Variants in MAP3K21 observed in about 807,000 individuals in gnomAD.
MAP3K21 encodes mitogen-activated protein kinase kinase kinase 21.
A neutral mutation model predicts 86.1 loss-of-function variants in MAP3K21; 63 were observed. The observed-to-expected ratio is 0.73, with a 90% CI of 0.60 to 0.90. The LOEUF (loss-of-function observed/expected upper bound fraction) is 0.90. Ranked by LOEUF, MAP3K21 falls within the 40% of genes least tolerant of loss-of-function variation. MAP3K21 has a pLI of 0.00. For synonymous variants in MAP3K21, 558 were observed against 564.8 expected (o/e 0.99, Z 0.17); for missense variants, 1,220 against 1,367.7 (o/e 0.89, Z 1.70).
chr1:233,381,424 C>G (rs1248258057), intron 9 of MAP3K21, among the ~76,000 whole-genome samples: 3 of 152,112 alleles, frequency 2.0e-5, no homozygotes, highest in Admixed American at 2.0e-4. Flanking sequence ...CCTTATATAC[C>G]TGTCATGAAT....
chr1:233,365,414 C>T (rs766458235), intron 5 of MAP3K21, among the ~76,000 whole-genome samples: 3 of 152,060 alleles, frequency 2.0e-5, no homozygotes, highest in Non-Finnish European at 4.4e-5. Context: ...ACACAGAACT[C>T]GAATAACTCA....
intron 1 of MAP3K21, among the ~76,000 whole-genome samples, chr1:233,332,556 G>A (rs1662828117): frequency 2.6e-5 from 4 of 152,152 alleles, no homozygotes; most frequent in Admixed American, 1.3e-4. Context: ...TGTGAAGAAC[G>A]GACTGCAGTG....
At chr1:233,330,372 T>C (rs914008186) in intron 1 of MAP3K21, among the ~76,000 whole-genome samples, 5 of 152,242 alleles carry the variant, frequency 3.3e-5, no homozygotes, top group African/African-American at 9.6e-5. Flanking sequence ...CATTGCTTGC[T>C]TTTGAACTGT....
At chr1:233,344,530 G>A (rs1346408357) in intron 1 of MAP3K21, among the ~76,000 whole-genome samples, 1 of 152,196 alleles carries the variant, frequency 6.6e-6, no homozygotes, top group Non-Finnish European at 1.5e-5. Context: ...CTAGCCATAT[G>A]TAGAAAGCTG....
At chr1:233,370,147 TG>T (rs1663656738) in intron 5 of MAP3K21, among the ~76,000 whole-genome samples, 1 of 152,176 alleles carries the variant, frequency 6.6e-6, no homozygotes, top group South Asian at 2.1e-4. Flanking sequence ...GCCGTGCAGA[TG>T]GAGAGAACAA....
In MAP3K21 at chr1:233,383,578, G is replaced by A. The variant is rs1197392511; in HGVS notation, c.*867G>A. 1 of 151,858 alleles carries A rather than the reference G, an allele frequency of 6.6e-6. No homozygotes were observed. Among genetic ancestry groups the A allele is most frequent in the African/African-American group, 2.4e-5 (1 of 41,386 alleles). 9.4% of individuals were successfully genotyped at this position (151,858 alleles called of 1,614,324 possible). ...TTTATTTGATATTCAGAAGTGGAAA[G>A]CTTTTTCATTCTCCAGTAGAACTTT... On this transcript the variant is annotated 3_prime_UTR_variant, in exon 10 of 10. Transcript: ENST00000366624.
intron 5 of MAP3K21, among the ~76,000 whole-genome samples, chr1:233,364,148 C>A (rs1663522215): frequency 6.6e-6 from 1 of 151,902 alleles, no homozygotes; most frequent in African/African-American, 2.4e-5. Flanking sequence ...TACCTTCAAC[C>A]TCTCTGGGGT....
At chr1:233,369,507 T>C (rs900190125) in intron 5 of MAP3K21, among the ~76,000 whole-genome samples, 15 of 152,290 alleles carry the variant, frequency 9.8e-5, no homozygotes, top group Middle Eastern at 3.4e-3. Context: ...CTTCCAGGAA[T>C]TGAAAAAAGT....
Position 233,376,506 on chromosome 1 carries a change from T to A in MAP3K21, c.1903T>A (p.Ser635Thr), listed in dbSNP as rs1663801100. 1.2e-6 allele frequency: 2 copies of A among 1,613,044 alleles called. No homozygotes were observed. The highest frequency in any genetic ancestry group is 1.1e-5 in the South Asian group (1 of 90,992). ...AAATCAGAAAACCATGCCCTTGGCT[T>A]CATTGTTTGTGGACCAGCCAGGTAA... ...IKNQKTMPLASLFVDQPGSCE... is the reference protein window; with the variant it reads ...IKNQKTMPLATLFVDQPGSCE... The change falls in exon 8 of 10, where the codon TCA becomes ACA. Residue 635 changes from serine to threonine, a missense_variant. Physicochemically the swap from Ser to Thr is moderately conservative, Grantham distance 58. This residue lies in a region of MAP3K21 where 632 missense variants were observed against 691.3 expected (regional missense o/e 0.91). Transcript: ENST00000366624.
intron 1 of MAP3K21, among the ~76,000 whole-genome samples, chr1:233,334,865 C>T (rs1043216843): frequency 1.3e-5 from 2 of 152,054 alleles, no homozygotes; most frequent in African/African-American, 4.8e-5. Context: ...TTGGTTTGAC[C>T]ACATTGTTTA....
chr1:233,351,696 C>CAA (rs10710526), intron 2 of MAP3K21, among the ~76,000 whole-genome samples: 1 of 117,098 alleles, frequency 8.5e-6, no homozygotes, highest in Non-Finnish European at 1.8e-5. Context: ...GATTCCATCT[C>CAA]AAAAAAAAAA....
rs1663877049 is a variant in MAP3K21 at position 233,379,670 on chromosome 1, A to G, written c.2664A>G (p.Ser888=). 6.2e-7 allele frequency: 1 copy of G among 1,613,316 alleles called. No individual in the cohort carries two copies. The highest frequency in any genetic ancestry group is 8.5e-7 in the Non-Finnish European group (1 of 1,179,998). The part of the protein sequence containing the change: ...PYCASSKHRP[S]HHRRTMSDGN... ...GTGCTTCTTCAAAACATAGACCGTC[A>G]CATCACAGACGGACCATGTCTGATG... Residue 888 remains serine, a synonymous_variant, in exon 9 of 10, where the codon TCA becomes TCG. Coordinates refer to ENST00000366624, the MANE Select transcript of MAP3K21 (RefSeq NM_032435.3).
At chr1:233,341,956 A>G (rs1339570980) in intron 1 of MAP3K21, among the ~76,000 whole-genome samples, 1 of 152,152 alleles carries the variant, frequency 6.6e-6, no homozygotes, top group Non-Finnish European at 1.5e-5. Context: ...GTATTTCTAG[A>G]AGGAAAACAT....
intron 3 of MAP3K21, among the ~76,000 whole-genome samples, chr1:233,354,539 T>A (rs1235147858): frequency 6.6e-6 from 1 of 152,186 alleles, no homozygotes; most frequent in Non-Finnish European, 1.5e-5. Flanking sequence ...AAACATGGTA[T>A]CCATAGTAAA....
chr1:233,379,830 G>C (rs1663881006), intron 9 of MAP3K21, 120 bp downstream of exon 9: 6 of 761,662 alleles, frequency 7.9e-6, no homozygotes, highest in Non-Finnish European at 1.3e-5. Context: ...TGTTTTTACT[G>C]TTCATGTAGA....
At position 233,383,879 on chromosome 1, in the gene MAP3K21, C is replaced by T. The variant is rs1233774601; in HGVS notation, c.*1168C>T. On this transcript the variant is annotated 3_prime_UTR_variant, in exon 10 of 10. Transcript: ENST00000366624. ...TTATGAATTATTTTCAGAAATGGAT[C>T]TTTGAATAGCAGATCAGGATTTAAA... 1 of 152,114 alleles carries T rather than the reference C, an allele frequency of 6.6e-6. No homozygotes were observed. The highest frequency in any genetic ancestry group is 2.4e-5 in the African/African-American group (1 of 41,428). 9.4% of individuals were successfully genotyped at this position (152,114 alleles called of 1,614,324 possible).
rs539675842 is a variant in MAP3K21, at chr1:233,352,577, C to T, written c.987-1230C>T. On this transcript the variant is annotated intron_variant, in intron 2 of 9. Transcript: ENST00000366624. ...TCCCGAGTTGTTGGGGCTGCAGGCA[C>T]GCACCACCATGCCCGGGTCATTTTT... is the stretch of plus-strand genomic sequence containing the variant. Among the ~76,000 whole-genome samples the T allele has an allele frequency of 7.2e-4, 110 of 152,076 alleles. No homozygotes were observed. The South Asian group carries it at 0.015, about 21-fold the overall frequency.
chr1:233,362,388 G>A, intron 5 of MAP3K21, 95 bp downstream of exon 5: 2 of 1,355,864 alleles, frequency 1.5e-6, no homozygotes, highest in Middle Eastern at 4.3e-4. Context: ...AGATAGGGAA[G>A]TAACTTTGTA....
chr1:233,333,957 G>A (rs973069977), intron 1 of MAP3K21, among the ~76,000 whole-genome samples: 5 of 152,126 alleles, frequency 3.3e-5, no homozygotes, highest in African/African-American at 1.2e-4. Flanking sequence ...CCGTCTCCCG[G>A]GTTCACGCCA....
Sources: allele counts gnomAD v4.1 joint callset (sites outside exome capture counted in the v4.1 genomes callset), GRCh38; gene constraint gnomAD v4.1.1; regional missense constraint gnomAD v4.1.1; transcripts MANE v1.5; gene names NCBI Gene and HGNC (gene_info 2026-07-23, HGNC 2026-07-21).